ADAMTSL3: variants seen among roughly 807,000 people sequenced by gnomAD.
ADAMTSL3 encodes the protein ADAMTS like 3.
In ADAMTSL3, 128 loss-of-function variants were observed where a neutral mutation model predicts 201.7. That is an observed-to-expected ratio of 0.63 (90% confidence interval 0.55 to 0.73). ADAMTSL3 has a LOEUF of 0.73. Among genes scored for constraint, ADAMTSL3 ranks in the 30% least tolerant of loss-of-function variants. ADAMTSL3 has a pLI of 0.00. For synonymous variants in ADAMTSL3, 738 were observed against 748.4 expected, an observed-to-expected ratio of 0.99 and a Z score of 0.23; for missense variants, 1,990 against 2,119.6, an observed-to-expected ratio of 0.94 and a Z score of 1.20.
At chr15:83,686,625 C>G (rs1279961565) in intron 2 of ADAMTSL3, among the ~76,000 whole-genome samples, 1 of 152,080 alleles carries the variant, frequency 6.6e-6, no homozygotes, top group Admixed American at 6.5e-5. Flanking sequence ...GGGAGCCCTT[C>G]TTAGGTATGG....
chr15:83,839,748 A>G (rs2064339644), intron 7 of ADAMTSL3, among the ~76,000 whole-genome samples: 1 of 152,178 alleles, frequency 6.6e-6, no homozygotes, highest in South Asian at 2.1e-4. Context: ...GCTATAAGAG[A>G]AAAGAAGCAG....
intron 28 of ADAMTSL3, among the ~76,000 whole-genome samples, chr15:84,033,568 A>G (rs1286681902): frequency 6.6e-6 from 1 of 152,224 alleles, no homozygotes; most frequent in Non-Finnish European, 1.5e-5. Flanking sequence ...CTGAGGCAGG[A>G]GAATTGCTTG....
intron 15 of ADAMTSL3, among the ~76,000 whole-genome samples, chr15:83,899,934 C>G (rs1222714253): frequency 6.6e-6 from 1 of 152,156 alleles, no homozygotes; most frequent in Non-Finnish European, 1.5e-5. Context: ...CTGAGCAGCA[C>G]AGAAAAGAAC....
At position 83,896,114 on chromosome 15, in the gene ADAMTSL3, A is replaced by G. The variant is rs139528486; in HGVS notation, c.1468-1744A>G. Among the ~76,000 whole-genome samples the G allele has an allele frequency of 7.6e-3, 1,163 of 152,298 alleles. 11 individuals are homozygous for G. The highest frequency in any genetic ancestry group is 0.016 in the South Asian group (78 of 4,820). ...GGGAGGAAATTCCACTCTGCCTGTT[A>G]GGAACTGTGTGACCTTGAGCAAGAT... On this transcript the variant is annotated intron_variant, in intron 13 of 29. Coordinates refer to ENST00000286744, the MANE Select transcript of ADAMTSL3 (RefSeq NM_207517.3).
At chr15:83,750,629 G>A (rs1330443686) in intron 3 of ADAMTSL3, among the ~76,000 whole-genome samples, 2 of 152,006 alleles carry the variant, frequency 1.3e-5, no homozygotes, top group Admixed American at 1.3e-4. Context: ...TCGGCTCACT[G>A]CAACCTCCGC....
At position 84,039,566 on chromosome 15, in the gene ADAMTSL3, T is replaced by C. The variant is rs1206281594; in HGVS notation, c.*1760T>C. Reference sequence around the variant, plus strand: ...TTGTATATATTTATTATATGAAAGGTGCAATATTTTATTTTGTACAGTATG... The same window carrying C: ...TTGTATATATTTATTATATGAAAGGCGCAATATTTTATTTTGTACAGTATG... On this transcript the variant is annotated 3_prime_UTR_variant, in exon 30 of 30. Coordinates refer to ENST00000286744, the MANE Select transcript of ADAMTSL3 (RefSeq NM_207517.3). The C allele has an allele frequency of 6.5e-6, 1 of 152,684 alleles. No homozygotes were observed. Among genetic ancestry groups the C allele is most frequent in the African/African-American group, 2.4e-5 (1 of 41,472 alleles). The allele number at this position is 152,684 out of a possible 1,614,324, so 9.5% of individuals were successfully genotyped here.
At chr15:84,027,581 G>A (rs2068333582) in intron 27 of ADAMTSL3, among the ~76,000 whole-genome samples, 3 of 152,104 alleles carry the variant, frequency 2.0e-5, no homozygotes, top group Middle Eastern at 3.4e-3. Context: ...GTGGTGGCGG[G>A]TGCCTGTAGT....
In ADAMTSL3 at chr15:83,820,066, C is replaced by A. The variant is rs767700637; in HGVS notation, c.600+19C>A. On this transcript the variant is annotated intron_variant, in intron 6 of 29. Transcript: ENST00000286744. The stretch of plus-strand genomic sequence containing the variant: ...CTGTCAGGTAAGCACACTTACCTCC[C>A]AATCCCCTGCTTTGGGGATGTGCCA... 2 of 1,594,452 alleles carry A rather than the reference C, an allele frequency of 1.3e-6. No homozygotes were observed. The highest frequency in any genetic ancestry group is 1.7e-6 in the Non-Finnish European group (2 of 1,162,256).
intron 3 of ADAMTSL3, among the ~76,000 whole-genome samples, chr15:83,743,073 T>C (rs2062482042): frequency 6.6e-6 from 1 of 152,202 alleles, no homozygotes; most frequent in South Asian, 2.1e-4. Context: ...TCCTGTGTTA[T>C]TGTAACTGCG....
At chr15:84,032,415 C>T (rs73445121) in intron 28 of ADAMTSL3, among the ~76,000 whole-genome samples, 1 of 152,296 alleles carries the variant, frequency 6.6e-6, no homozygotes, top group African/African-American at 2.4e-5. Flanking sequence ...CAAGCCAAAA[C>T]CATTCTCCTC....
At chr15:83,880,222 C>T (rs1304003153) in intron 9 of ADAMTSL3, among the ~76,000 whole-genome samples, 1 of 151,986 alleles carries the variant, frequency 6.6e-6, no homozygotes, top group Non-Finnish European at 1.5e-5. Flanking sequence ...TAACTTCTGT[C>T]CCAAGCTCTT....
At chr15:83,738,240 A>T (rs1162570012) in intron 3 of ADAMTSL3, among the ~76,000 whole-genome samples, 1 of 152,236 alleles carries the variant, frequency 6.6e-6, no homozygotes, top group Non-Finnish European at 1.5e-5. Flanking sequence ...GATAGTTCAA[A>T]ATTCAGAATG....
chr15:83,737,360 G>A (rs756569050), intron 3 of ADAMTSL3, among the ~76,000 whole-genome samples: 2 of 152,088 alleles, frequency 1.3e-5, no homozygotes, highest in South Asian at 2.1e-4. Flanking sequence ...CCCAGCTGTC[G>A]AAGGAGGAAT....
In ADAMTSL3 at chr15:84,015,906, T is replaced by C. The variant is rs114659962; in HGVS notation, c.4157-477T>C. Among the ~76,000 whole-genome samples the C allele has an allele frequency of 5.8e-3, 887 of 152,316 alleles. 7 individuals carry two copies. The highest frequency in any genetic ancestry group is 0.02 in the African/African-American group (815 of 41,570). The stretch of plus-strand genomic sequence containing the variant: ...CCAAGCAGCTCATGACTTTGGTAAC[T>C]TGATGGAGAGGTCAAATCATGGCAT... On this transcript the variant is annotated intron_variant, in intron 24 of 29. Coordinates refer to ENST00000286744, the MANE Select transcript of ADAMTSL3 (RefSeq NM_207517.3).
At chr15:84,024,671 G>T (rs1174847098) in intron 26 of ADAMTSL3, among the ~76,000 whole-genome samples, 1 of 152,172 alleles carries the variant, frequency 6.6e-6, no homozygotes, top group African/African-American at 2.4e-5. Flanking sequence ...TCCAAGTTCA[G>T]TCTCCTATAA....
At chr15:83,895,214 A>G (rs369114801) in intron 13 of ADAMTSL3, among the ~76,000 whole-genome samples, 37 of 152,186 alleles carry the variant, frequency 2.4e-4, no homozygotes, top group Non-Finnish European at 2.2e-4. Flanking sequence ...TCTACTGGCA[A>G]TTTAAGTCCT....
chr15:83,792,234 G>A (rs548319247), intron 4 of ADAMTSL3, among the ~76,000 whole-genome samples: 1 of 152,236 alleles, frequency 6.6e-6, no homozygotes, highest in African/African-American at 2.4e-5. Flanking sequence ...GATATACATA[G>A]GATGAACATG....
chr15:83,732,389 C>T (rs561123466), intron 3 of ADAMTSL3, among the ~76,000 whole-genome samples: 35 of 152,212 alleles, frequency 2.3e-4, no homozygotes, highest in African/African-American at 7.5e-4. Context: ...AGTGAGTCAA[C>T]ACTGTATATT....
chr15:83,802,720 A>G (rs2063543934), intron 4 of ADAMTSL3, among the ~76,000 whole-genome samples: 1 of 152,094 alleles, frequency 6.6e-6, no homozygotes, highest in Non-Finnish European at 1.5e-5. Flanking sequence ...TACAGGGGCA[A>G]CCTGAGAGCA....
Sources: gnomAD v4.1 joint callset for allele counts (sites outside exome capture counted in the v4.1 genomes callset) on GRCh38, gnomAD v4.1.1 for gene constraint, MANE v1.5 for transcripts, NCBI Gene and HGNC (gene_info 2026-07-23, HGNC 2026-07-21) for gene names.